Variants in FSTL4 observed in about 807,000 individuals in gnomAD.
FSTL4 encodes follistatin like 4, also known as follistatin-related protein 4.
Under a neutral mutation model 78.2 loss-of-function variants are expected in FSTL4, and 28 were observed. The ratio of observed to expected loss-of-function variants is 0.36; its 90% confidence interval spans 0.27 to 0.49. FSTL4 has a LOEUF of 0.49. Among genes scored for constraint, FSTL4 ranks in the 20% least tolerant of loss-of-function variants. The pLI is 0.98. For missense variants in FSTL4, 922 were observed against 1,084.9 expected (o/e 0.85, Z 2.11); for synonymous variants, 422 against 440.5 (o/e 0.96, Z 0.53).
At chr5:133,657,057 G>A in the FSTL4 span, among the ~76,000 whole-genome samples, 1 of 152,152 alleles carries the variant, frequency 6.6e-6, no homozygotes, top group Non-Finnish European at 1.5e-5. Flanking sequence ...GCAGCAGGTG[G>A]GGAAATTCAG....
At chr5:133,360,077 C>T (rs924951833) in intron 4 of FSTL4, among the ~76,000 whole-genome samples, 2 of 152,232 alleles carry the variant, frequency 1.3e-5, no homozygotes, top group Admixed American at 6.5e-5. Flanking sequence ...AACAGTGGAC[C>T]CTCAGCGTGG....
chr5:133,378,033 A>G (rs1027491690), intron 4 of FSTL4, among the ~76,000 whole-genome samples: 4 of 152,220 alleles, frequency 2.6e-5, no homozygotes, highest in Non-Finnish European at 5.9e-5. Context: ...AAAGAATCGT[A>G]TATCCAACAA....
At chr5:133,650,540 T>C in the FSTL4 span, among the ~76,000 whole-genome samples, 1 of 152,208 alleles carries the variant, frequency 6.6e-6, no homozygotes, top group Non-Finnish European at 1.5e-5. Context: ...GGTCCTAGCA[T>C]CATTTATTGA....
At chr5:133,614,969 T>C (rs1020580278), upstream of FSTL4, among the ~76,000 whole-genome samples, 6 of 152,082 alleles carry the variant, frequency 3.9e-5, no homozygotes, top group African/African-American at 1.2e-4. Flanking sequence ...ATCTTTTTTC[T>C]ATTTCTAATC....
intron 4 of FSTL4, among the ~76,000 whole-genome samples, chr5:133,376,582 ATCTGGAAATTTTCCTAAGTAC>A (rs1261139059): frequency 6.6e-6 from 1 of 152,218 alleles, no homozygotes; most frequent in Non-Finnish European, 1.5e-5. Flanking sequence ...CGGTTAAAGT[ATCTGGAAATTTTCCTAAGTAC>A]CTATAGCACA....
At chr5:133,238,680 G>C (rs59008863) in intron 7 of FSTL4, among the ~76,000 whole-genome samples, 4,986 of 152,300 alleles carry the variant, frequency 0.033, 271 homozygotes, top group African/African-American at 0.11. Context: ...CATCTACATG[G>C]ACACGTGGTA....
the FSTL4 span, among the ~76,000 whole-genome samples, chr5:133,743,120 A>G: frequency 3.0e-4 from 46 of 152,308 alleles, 2 homozygotes; most frequent in East Asian, 8.7e-3. Flanking sequence ...AAAAAAATCT[A>G]AGTACAGCTC....
At chr5:133,575,048 C>G (rs1454799377) in intron 2 of FSTL4, 2 of 151,944 alleles carry the variant, frequency 1.3e-5, no homozygotes, top group African/African-American at 4.8e-5. Context: ...TGTGTCTTTA[C>G]TATATATTTG....
intron 7 of FSTL4, among the ~76,000 whole-genome samples, chr5:133,245,444 T>C (rs551459095): frequency 1.8e-4 from 27 of 152,390 alleles, no homozygotes; most frequent in African/African-American, 6.0e-4. Flanking sequence ...CACAGGGCAA[T>C]TGCTAAGACT....
chr5:133,485,419 A>G (rs1317789318), intron 3 of FSTL4, among the ~76,000 whole-genome samples: 1 of 152,248 alleles, frequency 6.6e-6, no homozygotes, highest in Non-Finnish European at 1.5e-5. Context: ...TTGGGAGGAC[A>G]GCCAGCCTGT....
intron 2 of FSTL4, among the ~76,000 whole-genome samples, chr5:133,601,042 G>A (rs150561391): frequency 3.3e-5 from 5 of 152,172 alleles, no homozygotes; most frequent in Admixed American, 6.5e-5. Context: ...ACTATAACAC[G>A]CAAGGACTAT....
intron 3 of FSTL4, among the ~76,000 whole-genome samples, chr5:133,416,175 T>A (rs1756577986): frequency 6.6e-6 from 1 of 152,154 alleles, no homozygotes; most frequent in Middle Eastern, 3.2e-3. Flanking sequence ...TAAAGAATCA[T>A]GAGATGCATC....
intron 4 of FSTL4, among the ~76,000 whole-genome samples, chr5:133,352,941 T>C (rs1478802525): frequency 6.6e-6 from 1 of 152,248 alleles, no homozygotes; most frequent in Admixed American, 6.5e-5. Context: ...AAAAATTATA[T>C]TTTAATCAAA....
At chr5:133,814,026 CT>C in the FSTL4 span, among the ~76,000 whole-genome samples, 6 of 152,338 alleles carry the variant, frequency 3.9e-5, no homozygotes, top group East Asian at 1.2e-3. Context: ...GCTAATTGTA[CT>C]GGGCTAAACA....
At chr5:133,813,372 C>T in the FSTL4 span, among the ~76,000 whole-genome samples, 4 of 152,114 alleles carry the variant, frequency 2.6e-5, no homozygotes, top group African/African-American at 7.2e-5. Flanking sequence ...TTTCACTTTT[C>T]TTGGTACCAA....
At chr5:133,819,784 A>G in the FSTL4 span, among the ~76,000 whole-genome samples, 1 of 152,218 alleles carries the variant, frequency 6.6e-6, no homozygotes, top group Non-Finnish European at 1.5e-5. Context: ...CCTTGCACAT[A>G]AAGAATATTC....
the FSTL4 span, among the ~76,000 whole-genome samples, chr5:133,728,934 GAC>G: frequency 6.6e-6 from 1 of 152,168 alleles, no homozygotes; most frequent in Non-Finnish European, 1.5e-5. Flanking sequence ...TCTTCAGAAA[GAC>G]AGGAATAAAT....
chr5:133,796,545 A>T, the FSTL4 span, among the ~76,000 whole-genome samples: 13 of 152,236 alleles, frequency 8.5e-5, no homozygotes, highest in Non-Finnish European at 1.5e-4. Flanking sequence ...GAATGGGAAG[A>T]TGATCTTCCC....
At chr5:133,478,768 T>C (rs42547) in intron 3 of FSTL4, among the ~76,000 whole-genome samples, 1 of 151,740 alleles carries the variant, frequency 6.6e-6, no homozygotes, top group Admixed American at 6.6e-5. Context: ...GTGCAGTTTC[T>C]GCTTGGGGCT....
Sources: gnomAD v4.1 joint callset for allele counts (sites outside exome capture counted in the v4.1 genomes callset) on GRCh38, gnomAD v4.1.1 for gene constraint, MANE v1.5 for transcripts, NCBI Gene and HGNC (gene_info 2026-07-23, HGNC 2026-07-21) for gene names.